Variants in IMMP2L observed in about 807,000 individuals in gnomAD.
The protein encoded by IMMP2L is inner mitochondrial membrane peptidase subunit 2.
In IMMP2L, 18 loss-of-function variants were observed where a neutral mutation model predicts 19.3. The ratio of observed to expected loss-of-function variants is 0.93; its 90% CI spans 0.64 to 1.38. The LOEUF (loss-of-function observed/expected upper bound fraction) is 1.38. Among genes scored for constraint, IMMP2L ranks in the 40% most tolerant of loss-of-function variants. The probability of loss-of-function intolerance (pLI) is 0.00; values close to 1 mark genes in which losing one functional copy is unlikely to be tolerated. For missense variants in IMMP2L, 233 were observed against 218.2 expected (o/e 1.07, Z -0.43); for synonymous variants, 76 against 73.0 (o/e 1.04, Z -0.21).
intron 3 of IMMP2L, among the ~76,000 whole-genome samples, chr7:110,976,375 T>C (rs1820702300): frequency 6.6e-6 from 1 of 152,174 alleles, no homozygotes; most frequent in East Asian, 1.9e-4. Context: ...CTTATTTCAT[T>C]TAGCATAACG....
chr7:110,796,047 A>G (rs188079081), intron 5 of IMMP2L, among the ~76,000 whole-genome samples: 41 of 152,166 alleles, frequency 2.7e-4, no homozygotes, highest in African/African-American at 8.9e-4. Flanking sequence ...GTGAGTTCTC[A>G]CGAAATCTGA....
chr7:111,276,959 AAAATT>A (rs1463446172), intron 3 of IMMP2L, among the ~76,000 whole-genome samples: 1 of 152,152 alleles, frequency 6.6e-6, no homozygotes, highest in African/African-American at 2.4e-5. Context: ...ACCATCCACA[AAAATT>A]AAGATGGATT....
At chr7:111,322,836 AT>A (rs1004275867) in intron 3 of IMMP2L, among the ~76,000 whole-genome samples, 8 of 151,766 alleles carry the variant, frequency 5.3e-5, no homozygotes, top group East Asian at 1.9e-4. Flanking sequence ...ATACTTACAT[AT>A]TTTTTAAAGA....
intron 5 of IMMP2L, among the ~76,000 whole-genome samples, chr7:110,799,545 T>C (rs1470499561): frequency 6.6e-6 from 1 of 152,020 alleles, no homozygotes; most frequent in Non-Finnish European, 1.5e-5. Flanking sequence ...AATATATAGA[T>C]TACCACATCC....
At position 110,743,969 on chromosome 7, in the gene IMMP2L, G is replaced by A. The variant is rs562844395; in HGVS notation, c.409-80248C>T. On this transcript the variant is annotated intron_variant, in intron 5 of 5. Coordinates refer to ENST00000405709, the MANE Select transcript of IMMP2L (RefSeq NM_032549.4). ...AGGGAGCCAAGTAGTCTGGTTCGTC[G>A]GAGCCCAGATGGAGCTCAGCAAGCT... Among the ~76,000 whole-genome samples, 10 of 152,244 alleles carry A rather than the reference G, an allele frequency of 6.6e-5. No homozygotes were observed. The East Asian group carries it at 7.7e-4, about 12-fold the overall frequency.
intron 1 of IMMP2L, among the ~76,000 whole-genome samples, chr7:111,547,672 C>T (rs2133050754): frequency 6.6e-6 from 1 of 151,900 alleles, no homozygotes; most frequent in East Asian, 1.9e-4. Flanking sequence ...TCCCCTGTCT[C>T]AGCCTCCTGA....
At chr7:111,191,976 T>G (rs566816549) in intron 3 of IMMP2L, among the ~76,000 whole-genome samples, 2 of 151,936 alleles carry the variant, frequency 1.3e-5, no homozygotes, top group Non-Finnish European at 2.9e-5. Context: ...CATGGAAATC[T>G]GTGGTTATCA....
chr7:111,315,349 A>G (rs950357306), intron 3 of IMMP2L, among the ~76,000 whole-genome samples: 3 of 151,916 alleles, frequency 2.0e-5, no homozygotes, highest in African/African-American at 7.2e-5. Flanking sequence ...GCTTATACAT[A>G]TGGTACTTAT....
chr7:111,343,232 C>A (rs150919416), intron 3 of IMMP2L, among the ~76,000 whole-genome samples: 1 of 152,000 alleles, frequency 6.6e-6, no homozygotes, highest in South Asian at 2.1e-4. Context: ...TCATAAATGG[C>A]CCCCTGTCTA....
intron 3 of IMMP2L, among the ~76,000 whole-genome samples, chr7:111,249,392 G>A (rs1269152035): frequency 1.7e-4 from 24 of 143,780 alleles, no homozygotes; most frequent in Non-Finnish European, 3.3e-4. Flanking sequence ...CGCACGGTGC[G>A]CACACACACT....
intron 3 of IMMP2L, among the ~76,000 whole-genome samples, chr7:111,240,992 A>C (rs1331853286): frequency 1.3e-5 from 2 of 151,932 alleles, no homozygotes; most frequent in East Asian, 3.8e-4. Context: ...TACAGTTATA[A>C]TAAATGAACA....
intron 3 of IMMP2L, among the ~76,000 whole-genome samples, chr7:111,256,344 A>G (rs575260465): frequency 6.6e-6 from 1 of 152,206 alleles, no homozygotes; most frequent in Non-Finnish European, 1.5e-5. Context: ...GAACTATAAC[A>G]ATTTTTTATT....
chr7:111,549,541 T>C (rs1010562882), intron 1 of IMMP2L, among the ~76,000 whole-genome samples: 2 of 152,214 alleles, frequency 1.3e-5, no homozygotes, highest in African/African-American at 2.4e-5. Context: ...GTTTAGAGTA[T>C]TAGCATAATG....
At position 111,327,307 on chromosome 7, in the gene IMMP2L, C is replaced by A. The variant is rs1159386720; in HGVS notation, c.239+159931G>T. Among the ~76,000 whole-genome samples the A allele has an allele frequency of 5.3e-5, 8 of 151,750 alleles. No homozygotes were observed. In the East Asian group the frequency reaches 1.5e-3, roughly 29 times the overall value. The stretch of plus-strand genomic sequence containing the variant: ...AAGCAAGATAATAATTCTTAAAATT[C>A]ATGTAAGAGAAAATATTATCAAAAT... On this transcript the variant is annotated intron_variant, in intron 3 of 5. Transcript: ENST00000405709.
chr7:110,922,553 C>T (rs753929193), intron 4 of IMMP2L, among the ~76,000 whole-genome samples: 6 of 152,134 alleles, frequency 3.9e-5, no homozygotes, highest in Admixed American at 2.0e-4. Context: ...TCCTCATGAA[C>T]GGATTTTAAA....
intron 5 of IMMP2L, among the ~76,000 whole-genome samples, chr7:110,670,138 C>T (rs139595243): frequency 2.0e-5 from 3 of 151,878 alleles, no homozygotes; most frequent in African/African-American, 7.3e-5. Context: ...AGTGACCTTA[C>T]GAGAAGAGGA....
chr7:111,541,742 G>C (rs1456719852), intron 1 of IMMP2L, among the ~76,000 whole-genome samples: 3 of 152,052 alleles, frequency 2.0e-5, no homozygotes, highest in South Asian at 2.1e-4. Flanking sequence ...GAGCCATATA[G>C]AGATTTGATG....
chr7:111,442,750 T>C (rs1339142562), intron 3 of IMMP2L, among the ~76,000 whole-genome samples: 1 of 151,898 alleles, frequency 6.6e-6, no homozygotes, highest in Non-Finnish European at 1.5e-5. Flanking sequence ...CATACACTAA[T>C]AGAATTTTCT....
intron 5 of IMMP2L, among the ~76,000 whole-genome samples, chr7:110,878,207 G>C (rs1232575979): frequency 6.6e-6 from 1 of 152,060 alleles, no homozygotes; most frequent in African/African-American, 2.4e-5. Flanking sequence ...AGTTGTGCAT[G>C]GTGACAGAGG....
Sources: gnomAD v4.1 joint callset for allele counts (sites outside exome capture counted in the v4.1 genomes callset) on GRCh38, gnomAD v4.1.1 for gene constraint, MANE v1.5 for transcripts, NCBI Gene and HGNC (gene_info 2026-07-23, HGNC 2026-07-21) for gene names.